Variants in WDR33 observed in about 807,000 individuals in gnomAD.
WDR33 encodes the protein WD repeat domain 33, also known as pre-mRNA 3' end processing protein WDR33.
WDR33 carries 47 observed loss-of-function variants against 164.9 expected under a neutral mutation model. The observed-to-expected ratio is 0.29, with a 90% CI of 0.23 to 0.36. The LOEUF (loss-of-function observed/expected upper bound fraction) is 0.36. Among genes scored for constraint, WDR33 ranks in the 10% least tolerant of loss-of-function variants. WDR33 has a pLI of 1.00. For missense variants in WDR33, 1,137 were observed against 1,754.1 expected (o/e 0.65, Z 6.28); for synonymous variants, 505 against 589.0 (o/e 0.86, Z 2.06).
rs1558918459 is a variant in WDR33, at chr2:127,709,923, A to T, written c.3309-67T>A. ...CTTGCCACTCTAAGTTCATGTTTCA[A>T]AGAAGCATATGATATGAGAAAGCAT... On this transcript the variant is annotated intron_variant, in intron 18 of 21. Coordinates refer to ENST00000322313, the MANE Select transcript of WDR33 (RefSeq NM_018383.5). This position sits in a 1 kb window ranked among gnomAD's most constrained non-coding sequence, Gnocchi z 5.0. 6.4e-7 allele frequency: 1 copy of T among 1,552,526 alleles called. No homozygotes were observed. Among genetic ancestry groups the T allele is most frequent in the Non-Finnish European group, 8.7e-7 (1 of 1,144,468 alleles).
intron 1 of WDR33, among the ~76,000 whole-genome samples, chr2:127,809,428 C>CTTTTTTTTTTT (rs70985478): frequency 3.2e-5 from 3 of 94,632 alleles, no homozygotes; most frequent in Admixed American, 1.4e-4. Flanking sequence ...AGCCAAATTC[C>CTTTTTTTTTTT]TTTTTTTTTT....
In WDR33 at chr2:127,776,865, C is replaced by T. The variant is rs371196147; in HGVS notation, c.-23-5861G>A. Among the ~76,000 whole-genome samples the T allele has an allele frequency of 9.5e-4, 145 of 152,324 alleles. 2 individuals are homozygous for T. The South Asian group carries it at 0.028, about 30-fold the overall frequency. On this transcript the variant is annotated intron_variant, in intron 1 of 21. Transcript: ENST00000322313. The stretch of plus-strand genomic sequence containing the variant: ...TTACTTGGGATTATACTCCAAAGAT[C>T]TAGATTTATGACCAAACACAGAGAA...
At position 127,724,638 on chromosome 2, in the gene WDR33, C is replaced by G. The variant is rs959467101; in HGVS notation, c.1086-195G>C. On this transcript the variant is annotated intron_variant, in intron 10 of 21. Coordinates refer to ENST00000322313, the MANE Select transcript of WDR33 (RefSeq NM_018383.5). This position sits in a 1 kb window ranked among gnomAD's most constrained non-coding sequence, Gnocchi z 4.8. ...CAGTTACCCTTTCATCCAAAGAGCA[C>G]TTCACAGGGGAAAAGGCTGCAAGCA... Among the ~76,000 whole-genome samples the G allele has an allele frequency of 6.6e-6, 1 of 152,218 alleles. No individual in the cohort carries two copies. The highest frequency in any genetic ancestry group is 1.5e-5 in the Non-Finnish European group (1 of 68,032).
intron 7 of WDR33, among the ~76,000 whole-genome samples, chr2:127,731,128 T>A (rs977885966): frequency 6.6e-6 from 1 of 151,272 alleles, no homozygotes; most frequent in African/African-American, 2.4e-5. Flanking sequence ...GATGCCATTT[T>A]TACAAAAAAT....
chr2:127,798,480 T>C (rs1163631995), intron 1 of WDR33, among the ~76,000 whole-genome samples: 1 of 151,830 alleles, frequency 6.6e-6, no homozygotes, highest in Non-Finnish European at 1.5e-5. Context: ...CCTGAATATT[T>C]CAAATCTGTC....
chr2:127,711,285 C>T (rs977729104), intron 18 of WDR33, among the ~76,000 whole-genome samples: 25 of 151,864 alleles, frequency 1.6e-4, no homozygotes, highest in Admixed American at 1.4e-3. Flanking sequence ...ATTAGCTGGG[C>T]GTGGTGGCGC....
chr2:127,773,391 G>T (rs1198416615), intron 1 of WDR33, among the ~76,000 whole-genome samples: 2 of 149,570 alleles, frequency 1.3e-5, no homozygotes, highest in East Asian at 3.9e-4. Context: ...TCCCTCCTAA[G>T]ACCATTAAAT....
In WDR33 at chr2:127,701,980, C is replaced by T. The variant is rs1685902022; in HGVS notation, c.*4343G>A. The T allele has an allele frequency of 5.1e-6, 7 of 1,359,542 alleles. No individual in the cohort carries two copies. The highest frequency in any genetic ancestry group is 3.8e-5 in the Admixed American group (1 of 26,484). The allele number at this position is 1,359,542 out of a possible 1,614,324, so 84.2% of individuals were successfully genotyped here. A position where few individuals can be genotyped will look rare whatever the true frequency, so the allele number is the denominator to read the frequency against. On this transcript the variant is annotated 3_prime_UTR_variant, in exon 22 of 22. Transcript: ENST00000322313. ...TCCCGGCCCGCGCTGCTCTACATGGCAGCGCTGGGCGCCACGCTGTTCGCC... is the reference window on the plus strand; with the variant it reads ...TCCCGGCCCGCGCTGCTCTACATGGTAGCGCTGGGCGCCACGCTGTTCGCC...
Position 127,701,827 on chromosome 2 carries a change from T to C in WDR33, c.*4496A>G. ...GGCCTAGCCGCGCTCTACGCACCGG[T>C]GTTGCTGCTGCGCGCGCGCAAGTTC... is the stretch of plus-strand genomic sequence containing the variant. On this transcript the variant is annotated 3_prime_UTR_variant, in exon 22 of 22. Transcript: ENST00000322313. The C allele has an allele frequency of 1.4e-6, 2 of 1,457,836 alleles. No individual in the cohort carries two copies. Among genetic ancestry groups the C allele is most frequent in the Non-Finnish European group, 1.8e-6 (2 of 1,109,284 alleles). 90.3% of individuals were successfully genotyped at this position (1,457,836 alleles called of 1,614,324 possible).
chr2:127,801,153 A>G (rs74592877), intron 1 of WDR33, among the ~76,000 whole-genome samples: 17,824 of 151,508 alleles, frequency 0.12, 1,269 homozygotes, highest in African/African-American at 0.2. Context: ...GCATGGTGAC[A>G]TACACCTGTT....
intron 7 of WDR33, chr2:127,762,775 G>C: frequency 8.6e-7 from 1 of 1,157,036 alleles, no homozygotes; most frequent in Non-Finnish European, 1.1e-6. Flanking sequence ...CTACAAGGAA[G>C]GAAAAGGAAT....
chr2:127,769,161 T>C (rs890421276), intron 2 of WDR33, among the ~76,000 whole-genome samples, 160 bp from the exon 3 acceptor site: 1 of 152,144 alleles, frequency 6.6e-6, no homozygotes, highest in African/African-American at 2.4e-5. Context: ...AGTGGGTGCC[T>C]TAGAGAGCTT....
intron 7 of WDR33, chr2:127,737,229 C>A (rs1686870679): frequency 2.0e-6 from 2 of 985,330 alleles, no homozygotes; most frequent in Non-Finnish European, 1.2e-6. Flanking sequence ...TCATTCAATT[C>A]TTTGATATTA....
intron 1 of WDR33, 71 bp from the exon 2 acceptor site, chr2:127,771,075 G>T: frequency 8.6e-7 from 1 of 1,165,558 alleles, no homozygotes; most frequent in Non-Finnish European, 1.2e-6. Flanking sequence ...ATTTTTAAAT[G>T]AACACTTTTT....
intron 7 of WDR33, chr2:127,736,033 T>C (rs1382188616): frequency 1.0e-6 from 1 of 985,266 alleles, no homozygotes; most frequent in Non-Finnish European, 1.2e-6. Context: ...GGTGAAGGGG[T>C]CCGGCAGTCA....
intron 1 of WDR33, among the ~76,000 whole-genome samples, chr2:127,799,919 A>T (rs963707870): frequency 6.6e-6 from 1 of 152,146 alleles, no homozygotes; most frequent in Non-Finnish European, 1.5e-5. Context: ...TGAATACCAC[A>T]ATTAGATAAC....
chr2:127,768,168 A>G, intron 4 of WDR33, 21 bp downstream of exon 4: 1 of 1,441,522 alleles, frequency 6.9e-7, no homozygotes, highest in Non-Finnish European at 9.3e-7. Flanking sequence ...TTTCCCCCAA[A>G]ATATCCAACA....
At chr2:127,805,074 T>C (rs1202873234) in intron 1 of WDR33, among the ~76,000 whole-genome samples, 2 of 106,134 alleles carry the variant, frequency 1.9e-5, no homozygotes, top group South Asian at 3.1e-4. Flanking sequence ...TTTTCTTTTT[T>C]TTTTTTTTTT....
intron 1 of WDR33, among the ~76,000 whole-genome samples, chr2:127,771,930 G>A (rs1688017002): frequency 6.6e-6 from 1 of 152,168 alleles, no homozygotes; most frequent in Non-Finnish European, 1.5e-5. Flanking sequence ...GTGTGAGTCA[G>A]TGGATGGGTA....
Sources: gnomAD v4.1 joint callset for allele counts (sites outside exome capture counted in the v4.1 genomes callset) on GRCh38, gnomAD v4.1.1 for gene constraint, Gnocchi (gnomAD v3.1) non-coding constraint, MANE v1.5 for transcripts, NCBI Gene and HGNC (gene_info 2026-07-23, HGNC 2026-07-21) for gene names.